RGS6: variants seen among roughly 807,000 people sequenced by gnomAD.
RGS6 encodes the protein regulator of G protein signaling 6, also known as regulator of G-protein signaling 6.
In RGS6, 30 loss-of-function variants were observed where a neutral mutation model predicts 78.5. That is an observed-to-expected ratio of 0.38 (90% CI 0.29 to 0.52). The LOEUF (loss-of-function observed/expected upper bound fraction) is 0.52. Among genes scored for constraint, RGS6 ranks in the 20% least tolerant of loss-of-function variants. The pLI, the probability that RGS6 is intolerant of heterozygous loss-of-function variation, is 0.85. For missense variants in RGS6, 495 were observed against 609.7 expected, an observed-to-expected ratio of 0.81 and a Z score of 1.98; for synonymous variants, 206 against 206.0, an observed-to-expected ratio of 1.00 and a Z score of 0.00.
At chr14:72,606,865 C>G in the RGS6 span, among the ~76,000 whole-genome samples, 1 of 151,810 alleles carries the variant, frequency 6.6e-6, no homozygotes, top group Non-Finnish European at 1.5e-5. Flanking sequence ...GGACCTCCCC[C>G]TCTCTGTCTC....
At chr14:72,209,853 C>G (rs534859851) in intron 2 of RGS6, among the ~76,000 whole-genome samples, 1 of 152,148 alleles carries the variant, frequency 6.6e-6, no homozygotes, top group Non-Finnish European at 1.5e-5. Flanking sequence ...TAGTATGGCC[C>G]GGCTCTTTCT....
chr14:72,062,782 C>T (rs1468272665), intron 2 of RGS6, among the ~76,000 whole-genome samples: 1 of 152,156 alleles, frequency 6.6e-6, no homozygotes, highest in Non-Finnish European at 1.5e-5. Flanking sequence ...GTTGGTCATT[C>T]AATGGATAGG....
At chr14:71,934,913 A>G (rs1375357612) in intron 1 of RGS6, among the ~76,000 whole-genome samples, 2 of 146,800 alleles carry the variant, frequency 1.4e-5, no homozygotes, top group African/African-American at 5.5e-5. Context: ...GGATGGAATA[A>G]GGAGCTGTGT....
intron 3 of RGS6, among the ~76,000 whole-genome samples, chr14:72,369,532 T>A (rs2083061398): frequency 6.6e-6 from 1 of 152,204 alleles, no homozygotes; most frequent in Non-Finnish European, 1.5e-5. Context: ...CATTATAGTT[T>A]AAAGTAGATG....
chr14:72,409,832 C>T (rs557838549), intron 3 of RGS6, among the ~76,000 whole-genome samples: 1 of 152,092 alleles, frequency 6.6e-6, no homozygotes, highest in Non-Finnish European at 1.5e-5. Context: ...TTTGTTCTTG[C>T]AATAGTTTGC....
chr14:72,547,071 A>T, intron 17 of RGS6: 1 of 1,091,820 alleles, frequency 9.2e-7, no homozygotes, highest in Non-Finnish European at 1.3e-6. Context: ...AAGAAGGCAG[A>T]GAGTGAAGGG....
chr14:72,513,245 C>T (rs186576478), intron 14 of RGS6, among the ~76,000 whole-genome samples: 18 of 152,316 alleles, frequency 1.2e-4, no homozygotes, highest in Non-Finnish European at 2.2e-4. Flanking sequence ...GGCTGAATTT[C>T]TATCAGAGCT....
chr14:72,282,406 A>C (rs1374698826), intron 2 of RGS6, among the ~76,000 whole-genome samples: 1 of 152,184 alleles, frequency 6.6e-6, no homozygotes, highest in Non-Finnish European at 1.5e-5. Flanking sequence ...ATTATAAGAA[A>C]TCCCTTAATA....
At chr14:72,016,986 C>T (rs1433047245) in intron 2 of RGS6, among the ~76,000 whole-genome samples, 2 of 151,984 alleles carry the variant, frequency 1.3e-5, no homozygotes, top group African/African-American at 4.8e-5. Flanking sequence ...TAATTTTTGC[C>T]ATACTTTTCT....
chr14:71,997,338 C>T (rs540288760), intron 2 of RGS6, among the ~76,000 whole-genome samples: 4 of 152,224 alleles, frequency 2.6e-5, no homozygotes, highest in Admixed American at 2.0e-4. Flanking sequence ...AAGTCCAGAG[C>T]GCAGTTGTAT....
At chr14:72,015,264 C>T (rs2086702820) in intron 2 of RGS6, among the ~76,000 whole-genome samples, 1 of 152,174 alleles carries the variant, frequency 6.6e-6, no homozygotes, top group Non-Finnish European at 1.5e-5. Context: ...CTCCTTTCAA[C>T]AACCAGCTCT....
At chr14:72,082,459 A>G (rs1016335235) in intron 2 of RGS6, among the ~76,000 whole-genome samples, 13 of 152,062 alleles carry the variant, frequency 8.5e-5, no homozygotes, top group Admixed American at 5.2e-4. Context: ...GGTGTATAGA[A>G]ACACCTCTGA....
chr14:72,017,372 A>G (rs1259642542), intron 2 of RGS6, among the ~76,000 whole-genome samples: 1 of 152,202 alleles, frequency 6.6e-6, no homozygotes. Flanking sequence ...AAAATCTTTT[A>G]ATAATAATGA....
rs562779782 is a variant in RGS6, at chr14:72,548,047, A to G, written c.1422+7953A>G. On this transcript the variant is annotated intron_variant, in intron 17 of 17. Transcript: ENST00000553525. ...GTCCCTGTTTGCCCCTTTGTAGGTG[A>G]AGTGAGTATATTCAGCGTCTTCATG... Among the ~76,000 whole-genome samples the G allele has an allele frequency of 9.2e-5, 14 of 152,194 alleles. No individual in the cohort carries two copies. The East Asian group carries it at 2.7e-3, about 29-fold the overall frequency.
At chr14:72,018,912 T>C (rs565603081) in intron 2 of RGS6, among the ~76,000 whole-genome samples, 2 of 152,304 alleles carry the variant, frequency 1.3e-5, no homozygotes, top group Admixed American at 6.5e-5. Context: ...AATTTAAAAA[T>C]ATATATAATA....
intron 2 of RGS6, among the ~76,000 whole-genome samples, chr14:72,085,814 A>G (rs1481886604): frequency 7.6e-6 from 1 of 131,820 alleles, no homozygotes; most frequent in Non-Finnish European, 1.5e-5. Context: ...AGATTGCCCC[A>G]CTGTACTCCA....
At chr14:72,374,526 A>G (rs1027201254) in intron 3 of RGS6, among the ~76,000 whole-genome samples, 1 of 152,256 alleles carries the variant, frequency 6.6e-6, no homozygotes, top group African/African-American at 2.4e-5. Flanking sequence ...GCCATAAAAA[A>G]TTTAAACTTT....
At chr14:72,603,340 T>G in the RGS6 span, among the ~76,000 whole-genome samples, 1 of 152,228 alleles carries the variant, frequency 6.6e-6, no homozygotes, top group Non-Finnish European at 1.5e-5. Context: ...GCCCAGTCCA[T>G]TCTTAGCCAA....
intron 8 of RGS6, among the ~76,000 whole-genome samples, chr14:72,472,596 T>C (rs1654878735): frequency 6.6e-6 from 1 of 152,212 alleles, no homozygotes; most frequent in Admixed American, 6.5e-5. Flanking sequence ...GCTGCATTCT[T>C]ATTCTTCCCT....
Sources: allele counts gnomAD v4.1 joint callset (sites outside exome capture counted in the v4.1 genomes callset), GRCh38; gene constraint gnomAD v4.1.1; transcripts MANE v1.5; gene names NCBI Gene and HGNC (gene_info 2026-07-23, HGNC 2026-07-21).